Variants in ADAP2 observed in about 807,000 individuals in gnomAD.
ADAP2 encodes ArfGAP with dual PH domains 2, also known as arf-GAP with dual PH domain-containing protein 2.
Under a neutral mutation model 54.9 loss-of-function variants are expected in ADAP2, and 42 were observed. The observed-to-expected ratio is 0.77, with a 90% CI of 0.60 to 0.99. The LOEUF is 0.99. ADAP2 is among the 50% of genes least tolerant of loss of function. The pLI, the probability that ADAP2 is intolerant of heterozygous loss-of-function variation, is 0.00. For synonymous variants in ADAP2, 177 were observed against 180.1 expected (o/e 0.98, Z 0.14); for missense variants, 429 against 480.4 (o/e 0.89, Z 1.00).
Position 30,926,927 on chromosome 17 carries a change from G to A in ADAP2, c.317+9G>A, listed in dbSNP as rs201163176. ...CAGGCCAACGACTGCCTGTGAGTGGGTGATTCCTTAGGGACTGGGTGAGGG... is the reference window on the plus strand; with the variant it reads ...CAGGCCAACGACTGCCTGTGAGTGGATGATTCCTTAGGGACTGGGTGAGGG... On this transcript the variant is annotated intron_variant, in intron 3 of 10. Coordinates refer to ENST00000330889, the MANE Select transcript of ADAP2 (RefSeq NM_018404.3). 100 of 1,607,702 alleles carry A rather than the reference G, an allele frequency of 6.2e-5. No homozygotes were observed. The highest frequency in any genetic ancestry group is 1.7e-4 in the Middle Eastern group (1 of 6,046).
intron 3 of ADAP2, among the ~76,000 whole-genome samples, chr17:30,929,480 C>T (rs1846824474): frequency 6.6e-6 from 1 of 152,174 alleles, no homozygotes; most frequent in African/African-American, 2.4e-5. Flanking sequence ...ACAGACATTA[C>T]CCACCATGAC....
In ADAP2 at chr17:30,958,059, G is replaced by A. The variant is rs1269003845; in HGVS notation, c.*190G>A. On this transcript the variant is annotated 3_prime_UTR_variant, in exon 11 of 11. Coordinates refer to ENST00000330889, the MANE Select transcript of ADAP2 (RefSeq NM_018404.3). ...TGGGCCTTCCCCGCAACCCACCTCG[G>A]GGATCTGAGGATCTGGTGCATAGAT... The A allele has an allele frequency of 3.2e-6, 2 of 622,014 alleles. No individual in the cohort carries two copies. The highest frequency in any genetic ancestry group is 5.8e-6 in the Non-Finnish European group (2 of 343,598). 38.5% of individuals were successfully genotyped at this position (622,014 alleles called of 1,614,324 possible). A position where few individuals can be genotyped will look rare whatever the true frequency, so the allele number is the denominator to read the frequency against.
Position 30,951,957 on chromosome 17 carries a change from A to G in ADAP2, c.742-1331A>G, listed in dbSNP as rs1028770753. 2.0e-5 allele frequency among the ~76,000 whole-genome samples: 3 copies of G among 152,152 alleles called. No homozygotes were observed. The East Asian group carries it at 5.8e-4, about 29-fold the overall frequency. On this transcript the variant is annotated intron_variant, in intron 7 of 10. Coordinates refer to ENST00000330889, the MANE Select transcript of ADAP2 (RefSeq NM_018404.3). ...GGCGTGAGCCACTGCGCCTGGCCTA[A>G]TATTTTCATTTTTGGCTCACAAATT...
intron 5 of ADAP2, among the ~76,000 whole-genome samples, chr17:30,938,608 A>G (rs1289800467): frequency 1.3e-5 from 2 of 152,244 alleles, no homozygotes; most frequent in Non-Finnish European, 2.9e-5. Context: ...AGAAGTTTTC[A>G]GCAAAGAGAA....
chr17:30,951,079 G>C (rs928279016), intron 7 of ADAP2, among the ~76,000 whole-genome samples: 2 of 152,148 alleles, frequency 1.3e-5, no homozygotes, highest in Non-Finnish European at 2.9e-5. Context: ...AAGCTTTAGG[G>C]GTCCACATGT....
At chr17:30,935,866 G>A (rs1175223026) in intron 5 of ADAP2, among the ~76,000 whole-genome samples, 1 of 152,120 alleles carries the variant, frequency 6.6e-6, no homozygotes, top group African/African-American at 2.4e-5. Flanking sequence ...ACATGGTGGA[G>A]GGCCTTGTAG....
At chr17:30,939,503 G>A (rs537739320) in intron 5 of ADAP2, among the ~76,000 whole-genome samples, 26 of 151,372 alleles carry the variant, frequency 1.7e-4, no homozygotes, top group Non-Finnish European at 2.9e-4. Flanking sequence ...CAGGCTCGGA[G>A]GCTCACACCT....
rs530120220 is a variant in ADAP2, at chr17:30,956,654, G to A, written c.1111+185G>A. ...CCATTATTGCCAAAAGGTCTCCTCTGTCCACTCTGGGTTCCCCTAACCGAG... is the reference window on the plus strand; with the variant it reads ...CCATTATTGCCAAAAGGTCTCCTCTATCCACTCTGGGTTCCCCTAACCGAG... On this transcript the variant is annotated intron_variant, in intron 10 of 10. Coordinates refer to ENST00000330889, the MANE Select transcript of ADAP2 (RefSeq NM_018404.3). 5 of 664,028 alleles carry A rather than the reference G, an allele frequency of 7.5e-6. No individual in the cohort carries two copies. The Admixed American group carries it at 1.4e-4, about 19-fold the overall frequency. 41.1% of individuals were successfully genotyped at this position (664,028 alleles called of 1,614,324 possible).
At chr17:30,932,230 CTTTTTTT>C (rs769096794) in intron 4 of ADAP2, among the ~76,000 whole-genome samples, 1 of 118,952 alleles carries the variant, frequency 8.4e-6, no homozygotes, top group Admixed American at 8.5e-5. Context: ...TGTACAGACT[CTTTTTTT>C]TTTTTTTTTT....
chr17:30,925,838 C>A (rs1911020224), intron 2 of ADAP2, among the ~76,000 whole-genome samples: 1 of 152,178 alleles, frequency 6.6e-6, no homozygotes, highest in East Asian at 1.9e-4. Flanking sequence ...CGGCTCACTG[C>A]AACCTCTGCC....
intron 5 of ADAP2, among the ~76,000 whole-genome samples, chr17:30,940,867 G>C (rs138759216): frequency 5.8e-4 from 89 of 152,272 alleles, no homozygotes; most frequent in Non-Finnish European, 1.1e-3. Context: ...TGGCCCTCTA[G>C]AAAGTCAACA....
chr17:30,934,768 C>T (rs1461687298), intron 5 of ADAP2, among the ~76,000 whole-genome samples: 1 of 152,186 alleles, frequency 6.6e-6, no homozygotes, highest in East Asian at 1.9e-4. Context: ...CAGTAGCTCA[C>T]ACCTATAATC....
chr17:30,957,548 C>T (rs1047766365), intron 10 of ADAP2, among the ~76,000 whole-genome samples: 2 of 152,136 alleles, frequency 1.3e-5, no homozygotes, highest in Non-Finnish European at 2.9e-5. Flanking sequence ...TCACCTCAGC[C>T]TCCCAAGTAG....
At chr17:30,951,175 C>T (rs1424019609) in intron 7 of ADAP2, among the ~76,000 whole-genome samples, 1 of 152,122 alleles carries the variant, frequency 6.6e-6, no homozygotes, top group Non-Finnish European at 1.5e-5. Context: ...TAGGTTTTGT[C>T]GCCATGGTGA....
chr17:30,929,768 C>A (rs1163210772), intron 3 of ADAP2, among the ~76,000 whole-genome samples: 1 of 152,212 alleles, frequency 6.6e-6, no homozygotes, highest in Non-Finnish European at 1.5e-5. Flanking sequence ...ACAATCATGG[C>A]TCACTGCAGC....
chr17:30,945,154 G>A (rs1912573821), intron 6 of ADAP2, 101 bp downstream of exon 6: 3 of 1,367,646 alleles, frequency 2.2e-6, no homozygotes, highest in South Asian at 2.8e-5. Context: ...GTGCTCAGCT[G>A]CCTCTTGAGA....
At chr17:30,951,017 A>G (rs969601277) in intron 7 of ADAP2, among the ~76,000 whole-genome samples, 3 of 151,968 alleles carry the variant, frequency 2.0e-5, no homozygotes, top group Admixed American at 6.6e-5. Flanking sequence ...CTTTCCTCCC[A>G]TTTAATGTCT....
At chr17:30,937,220 G>A (rs954656847) in intron 5 of ADAP2, among the ~76,000 whole-genome samples, 13 of 150,126 alleles carry the variant, frequency 8.7e-5, no homozygotes, top group East Asian at 4.0e-4. Context: ...CACCGCGCCC[G>A]GCCTATTTAT....
chr17:30,950,021 C>T (rs1341089833), intron 7 of ADAP2, among the ~76,000 whole-genome samples: 1 of 152,224 alleles, frequency 6.6e-6, no homozygotes, highest in Non-Finnish European at 1.5e-5. Flanking sequence ...ATACTGCTTA[C>T]AGAGTGCTTT....
Sources: allele counts gnomAD v4.1 joint callset (sites outside exome capture counted in the v4.1 genomes callset), GRCh38; gene constraint gnomAD v4.1.1; transcripts MANE v1.5; gene names NCBI Gene and HGNC (gene_info 2026-07-23, HGNC 2026-07-21).